The following ZIM3 variants were observed in gnomAD, a reference collection of about 807,000 sequenced individuals.
The protein encoded by ZIM3 is zinc finger protein 657.
A neutral mutation model predicts 12.9 loss-of-function variants in ZIM3; 11 were observed. That is an observed-to-expected ratio of 0.85 (90% CI 0.54 to 1.41). The LOEUF is 1.41. Ranked by LOEUF, ZIM3 falls within the 40% of genes most tolerant of loss-of-function variation. The probability of loss-of-function intolerance (pLI) is 0.00; values close to 1 mark genes in which losing one functional copy is unlikely to be tolerated. For synonymous variants in ZIM3, 205 were observed against 198.5 expected, an observed-to-expected ratio of 1.03 and a Z score of -0.28; for missense variants, 604 against 557.2, an observed-to-expected ratio of 1.08 and a Z score of -0.85.
intron 1 of ZIM3, among the ~76,000 whole-genome samples, chr19:57,144,280 G>A (rs1282748651): frequency 6.6e-6 from 1 of 151,372 alleles, no homozygotes; most frequent in Non-Finnish European, 1.5e-5. Context: ...AAACTCCTAG[G>A]CTCAAGCAAT....
chr19:57,145,061 G>T lies in ZIM3; in HGVS notation c.-245C>A, dbSNP rs12986338. 62,219 of 151,898 alleles carry T rather than the reference G, an allele frequency of 0.41. 14,409 individuals are homozygous for T. Among genetic ancestry groups the T allele is most frequent in the South Asian group, 0.53 (2,565 of 4,820 alleles). 9.4% of individuals were successfully genotyped at this position (151,898 alleles called of 1,614,324 possible). A position where few individuals can be genotyped will look rare whatever the true frequency, so the allele number is the denominator to read the frequency against. ...CCAAAACACTCACTTCCTATCAAAA[G>T]CCCCACCTGATCCTATCAGGCCACA... On this transcript the variant is annotated 5_prime_UTR_variant, in exon 1 of 5. Coordinates refer to ENST00000269834, the MANE Select transcript of ZIM3 (RefSeq NM_052882.1).
Position 57,141,271 on chromosome 19 carries a change from T to G in ZIM3, c.15+1358A>C, listed in dbSNP as rs1349059545. On this transcript the variant is annotated intron_variant, in intron 2 of 4. Transcript: ENST00000269834. ...TTAGCCGGGCGTGGGCGTGGTGGCG[T>G]GCGCCTGTAATCCCAGCTGCTCAGG... Among the ~76,000 whole-genome samples the G allele has an allele frequency of 5.9e-5, 9 of 151,926 alleles. No homozygotes were observed. In the East Asian group the frequency reaches 1.7e-3, roughly 30 times the overall value.
chr19:57,136,177 T>C, intron 4 of ZIM3, 82 bp from the exon 5 acceptor site: 1 of 1,306,030 alleles, frequency 7.7e-7, no homozygotes, highest in Non-Finnish European at 1.1e-6. Context: ...CAATCTATTG[T>C]GGTGATTATT....
intron 1 of ZIM3, 140 bp from the exon 2 acceptor site, chr19:57,142,825 TC>T: frequency 1.7e-6 from 1 of 586,952 alleles, no homozygotes; most frequent in Non-Finnish European, 3.0e-6. Context: ...ACCTCAGTGA[TC>T]CCCTTCTGAA....
intron 1 of ZIM3, among the ~76,000 whole-genome samples, chr19:57,142,938 A>G (rs1429574424): frequency 1.3e-5 from 2 of 152,116 alleles, no homozygotes; most frequent in Non-Finnish European, 2.9e-5. Context: ...TCACGCCTGT[A>G]ATCCCAGCAC....
chr19:57,138,365 G>T, intron 3 of ZIM3, 107 bp downstream of exon 3: 2 of 1,508,972 alleles, frequency 1.3e-6, no homozygotes, highest in South Asian at 1.1e-5. Context: ...AAAAACATAT[G>T]CGAAGTGAGG....
intron 2 of ZIM3, among the ~76,000 whole-genome samples, chr19:57,140,974 A>G (rs1407105652): frequency 1.3e-5 from 2 of 152,214 alleles, no homozygotes; most frequent in Non-Finnish European, 2.9e-5. Flanking sequence ...ATACACACCG[A>G]ACAAAGTTGG....
At position 57,142,623 on chromosome 19, in the gene ZIM3, G is replaced by C. The variant is rs371943338; in HGVS notation, c.15+6C>G. 3 of 1,613,342 alleles carry C rather than the reference G, an allele frequency of 1.9e-6. No homozygotes were observed. The highest frequency in any genetic ancestry group is 2.5e-6 in the Non-Finnish European group (3 of 1,179,666). The stretch of plus-strand genomic sequence containing the variant: ...TATGAGATTTAGATTTTTTTGAAAA[G>C]CTCACCTGGGAATTGTTCATTTCCT... On this transcript the variant is annotated splice_donor_region_variant and intron_variant, in intron 2 of 4. Transcript: ENST00000269834.
chr19:57,134,557 G>A lies in ZIM3; in HGVS notation c.*361C>T, dbSNP rs540750448. The A allele has an allele frequency of 5.6e-4, 101 of 180,088 alleles. No individual in the cohort carries two copies. The highest frequency in any genetic ancestry group is 1.3e-3 in the South Asian group (10 of 7,980). The allele number at this position is 180,088 out of a possible 1,614,324, so 11.2% of individuals were successfully genotyped here. On this transcript the variant is annotated 3_prime_UTR_variant, in exon 5 of 5. Transcript: ENST00000269834. ...AGCCTCCCAAAGTACTGGGATTACA[G>A]GCATTTGAGCCACCACGCCTGGCCA...
intron 3 of ZIM3, among the ~76,000 whole-genome samples, chr19:57,137,938 G>A (rs868686618): frequency 2.1e-4 from 10 of 47,192 alleles, no homozygotes; most frequent in African/African-American, 1.0e-3. Context: ...AAGGAAGGAA[G>A]GAAGGAAGGA....
intron 2 of ZIM3, among the ~76,000 whole-genome samples, chr19:57,141,260 G>A (rs530568776): frequency 6.6e-6 from 1 of 152,012 alleles, no homozygotes; most frequent in South Asian, 2.1e-4. Context: ...CCGGGCGTGG[G>A]CGTGGTGGCG....
rs918355959 is a variant in ZIM3 at position 57,135,903 on chromosome 19, G to C, written c.434C>G (p.Ser145Cys). The change falls in exon 5 of 5, where the codon TCT (serine) becomes TGT (cysteine). Residue 145 changes from serine to cysteine, a missense_variant. By Grantham distance (112) the Ser-to-Cys change is moderately radical. Transcript: ENST00000269834. ...SSLQHYVQNNSHDDNGYRKLV... is the reference protein window; with the variant it reads ...SSLQHYVQNNCHDDNGYRKLV... Reference sequence around the variant, plus strand: ...TTTTCTGTATCCATTATCATCGTGAGAATTATTTTGTACATAGTGTTGCAA... The same window carrying C: ...TTTTCTGTATCCATTATCATCGTGACAATTATTTTGTACATAGTGTTGCAA... 5 of 1,613,972 alleles carry C rather than the reference G, an allele frequency of 3.1e-6. No homozygotes were observed. Among genetic ancestry groups the C allele is most frequent in the Non-Finnish European group, 4.2e-6 (5 of 1,180,036 alleles).
chr19:57,136,167 CA>C (rs1168853142), intron 4 of ZIM3, 72 bp from the exon 5 acceptor site: 1 of 1,368,400 alleles, frequency 7.3e-7, no homozygotes, highest in East Asian at 2.3e-5. Flanking sequence ...ATGCCATAAA[CA>C]ATCTATTGTG....
At chr19:57,139,524 G>A (rs940596032) in intron 2 of ZIM3, among the ~76,000 whole-genome samples, 7 of 151,736 alleles carry the variant, frequency 4.6e-5, no homozygotes, top group Admixed American at 1.3e-4. Flanking sequence ...TCAGGAGTTC[G>A]AGACCAGCCT....
At chr19:57,143,049 T>A (rs539159986) in intron 1 of ZIM3, among the ~76,000 whole-genome samples, 1 of 151,828 alleles carries the variant, frequency 6.6e-6, no homozygotes, top group Non-Finnish European at 1.5e-5. Flanking sequence ...CAAAATTGGC[T>A]GGGCGCGGTG....
At chr19:57,143,562 C>G (rs2086924563) in intron 1 of ZIM3, among the ~76,000 whole-genome samples, 1 of 151,976 alleles carries the variant, frequency 6.6e-6, no homozygotes, top group Non-Finnish European at 1.5e-5. Flanking sequence ...ACAGCTGGAT[C>G]ATTGGTAATT....
In ZIM3 at chr19:57,141,840, C is replaced by A. The variant is rs954497811; in HGVS notation, c.15+789G>T. ...CTATACTCCAGCCTGGGTGACACAG[C>A]GAGACTCCCTCAAAAAAAAAAAATC... On this transcript the variant is annotated intron_variant, in intron 2 of 4. Coordinates refer to ENST00000269834, the MANE Select transcript of ZIM3 (RefSeq NM_052882.1). 2.2e-5 allele frequency among the ~76,000 whole-genome samples: 3 copies of A among 137,462 alleles called. No individual in the cohort carries two copies. In the East Asian group the frequency reaches 6.2e-4, roughly 29 times the overall value. The allele number at this position is 137,462 out of a possible 152,430, so 90.2% of individuals were successfully genotyped here.
chr19:57,135,524 T>A lies in ZIM3; in HGVS notation c.813A>T (p.Lys271Asn), dbSNP rs1416440780. 1.9e-6 allele frequency: 3 copies of A among 1,613,956 alleles called. No homozygotes were observed. The highest frequency in any genetic ancestry group is 3.3e-5 in the Admixed American group (2 of 59,990). The change falls in exon 5 of 5, where the codon AAA becomes AAT. Residue 271 changes from lysine to asparagine, a missense_variant. Lys to Asn is a moderately conservative substitution (Grantham distance 94). Transcript: ENST00000269834. Reference protein sequence around the residue: ...SWKSSCINHEKIHNAKKSYQC... With the variant: ...SWKSSCINHENIHNAKKSYQC... ...GATAGGATTTCTTGGCATTATGAAT[T>A]TTCTCATGATTAATGCAGGATGATT...
intron 1 of ZIM3, among the ~76,000 whole-genome samples, chr19:57,143,255 C>T (rs1274383454): frequency 6.6e-6 from 1 of 151,330 alleles, no homozygotes; most frequent in Non-Finnish European, 1.5e-5. Flanking sequence ...GGCGGGAACC[C>T]GGGAGGCGGA....
Sources: allele counts gnomAD v4.1 joint callset (sites outside exome capture counted in the v4.1 genomes callset), GRCh38; gene constraint gnomAD v4.1.1; transcripts MANE v1.5; gene names NCBI Gene and HGNC (gene_info 2026-07-23, HGNC 2026-07-21).